LRR1: variants seen among roughly 807,000 people sequenced by gnomAD.
LRR1 encodes leucine-rich repeat protein 1.
In LRR1, 29 loss-of-function variants were observed where a neutral mutation model predicts 31.6. The observed-to-expected ratio is 0.92, with a 90% CI of 0.68 to 1.25. The LOEUF is 1.25. Among genes scored for constraint, LRR1 ranks in the 50% most tolerant of loss-of-function variants. LRR1 has a pLI of 0.00. For synonymous variants in LRR1, 179 were observed against 181.4 expected (o/e 0.99, Z 0.10); for missense variants, 485 against 487.2 (o/e 1.00, Z 0.04).
intron 3 of LRR1, among the ~76,000 whole-genome samples, chr14:49,610,456 C>T (rs1475947898): frequency 2.0e-5 from 3 of 150,998 alleles, no homozygotes; most frequent in Admixed American, 2.0e-4. Flanking sequence ...GGTTTCACCA[C>T]GTTGGCCAGG....
intron 1 of LRR1, chr14:49,601,045 C>G: frequency 1.2e-6 from 2 of 1,611,166 alleles, no homozygotes; most frequent in Non-Finnish European, 8.5e-7. Flanking sequence ...TCTATTCCAG[C>G]ATACCCAGAG....
chr14:49,611,458 A>T (rs894676298), intron 3 of LRR1, among the ~76,000 whole-genome samples: 1 of 152,104 alleles, frequency 6.6e-6, no homozygotes, highest in African/African-American at 2.4e-5. Flanking sequence ...TTGGGAGTGC[A>T]GATTGAGACT....
intron 1 of LRR1, among the ~76,000 whole-genome samples, chr14:49,599,834 C>A (rs1254234310): frequency 1.4e-5 from 2 of 147,462 alleles, no homozygotes; most frequent in African/African-American, 4.9e-5. Flanking sequence ...GGCCCTCTCC[C>A]CTCCGGCGAG....
chr14:49,602,589 A>G (rs1329787362), intron 2 of LRR1, 121 bp downstream of exon 2: 2 of 739,216 alleles, frequency 2.7e-6, no homozygotes, highest in Non-Finnish European at 4.5e-6. Context: ...TCACTGCATC[A>G]AACACCTAGG....
intron 1 of LRR1, 109 bp from the exon 2 acceptor site, chr14:49,602,261 A>G: frequency 1.1e-6 from 1 of 929,716 alleles, no homozygotes; most frequent in Middle Eastern, 2.2e-4. Context: ...CTCAAGGACT[A>G]AAAGCCAAAC....
At chr14:49,614,154 C>G in intron 3 of LRR1, 102 bp from the exon 4 acceptor site, 1 of 1,201,738 alleles carries the variant, frequency 8.3e-7, no homozygotes. Context: ...ATACTAATCG[C>G]TTAATAATTT....
intron 2 of LRR1, chr14:49,603,736 C>A: frequency 1.1e-6 from 1 of 951,776 alleles, no homozygotes; most frequent in Non-Finnish European, 1.2e-6. Context: ...CCCTGTCACC[C>A]AGGCTGGATT....
intron 1 of LRR1, chr14:49,601,635 A>G (rs977864652): frequency 1.6e-6 from 2 of 1,289,542 alleles, no homozygotes; most frequent in African/African-American, 1.5e-5. Flanking sequence ...AGGCTAATGG[A>G]CTGAAGTTAT....
At chr14:49,609,745 G>T (rs936122125) in intron 3 of LRR1, among the ~76,000 whole-genome samples, 2 of 148,430 alleles carry the variant, frequency 1.3e-5, no homozygotes, top group Non-Finnish European at 3.0e-5. Context: ...TTGTTCTGTC[G>T]CCCAGGTTGG....
At chr14:49,610,243 G>T (rs1307280384) in intron 3 of LRR1, among the ~76,000 whole-genome samples, 2 of 125,812 alleles carry the variant, frequency 1.6e-5, no homozygotes, top group Middle Eastern at 4.2e-3. Flanking sequence ...TCATTTTGTT[G>T]AGGGTTTTTT....
At chr14:49,603,507 A>C in intron 2 of LRR1, 1 of 360,010 alleles carries the variant, frequency 2.8e-6, no homozygotes. Flanking sequence ...TACTGTAATC[A>C]TTCTTTCTTC....
At chr14:49,609,260 C>G (rs1428465835) in intron 3 of LRR1, among the ~76,000 whole-genome samples, 1 of 108,310 alleles carries the variant, frequency 9.2e-6, no homozygotes, top group Non-Finnish European at 1.8e-5. Context: ...GGGTCTCACT[C>G]TGTTGCCCAG....
chr14:49,611,595 T>G (rs1208271224), intron 3 of LRR1, among the ~76,000 whole-genome samples: 2 of 152,022 alleles, frequency 1.3e-5, no homozygotes, highest in Non-Finnish European at 2.9e-5. Context: ...CACCTGAGGC[T>G]ATTGTTTCTC....
In LRR1 at chr14:49,614,597, T is replaced by C. The variant is rs760968456; in HGVS notation, c.*101T>C. On this transcript the variant is annotated 3_prime_UTR_variant, in exon 4 of 4. Coordinates refer to ENST00000298288, the MANE Select transcript of LRR1 (RefSeq NM_152329.4). The stretch of plus-strand genomic sequence containing the variant: ...GAGTAAGGGAAGATTTCTGTATACT[T>C]GCTGGAGAGGAGGAATGTGTATAGT... 1.4e-6 allele frequency: 2 copies of C among 1,469,498 alleles called. No homozygotes were observed. The highest frequency in any genetic ancestry group is 4.5e-5 in the East Asian group (2 of 44,134). The allele number at this position is 1,469,498 out of a possible 1,614,324, so 91.0% of individuals were successfully genotyped here. A position where few individuals can be genotyped will look rare whatever the true frequency, so the allele number is the denominator to read the frequency against.
intron 3 of LRR1, 142 bp downstream of exon 3, chr14:49,608,263 C>A (rs1025560434): frequency 3.4e-6 from 3 of 878,928 alleles, no homozygotes; most frequent in Admixed American, 6.8e-5. Context: ...TTGTTCCTTA[C>A]CTCTGCTTAG....
intron 3 of LRR1, among the ~76,000 whole-genome samples, chr14:49,613,193 G>C (rs1454948610): frequency 1.3e-5 from 2 of 152,164 alleles, no homozygotes; most frequent in Admixed American, 1.3e-4. Context: ...CAAAAAATTA[G>C]CCAGGCGTGG....
At chr14:49,602,571 G>C in intron 2 of LRR1, 103 bp downstream of exon 2, 1 of 876,848 alleles carries the variant, frequency 1.1e-6, no homozygotes, top group Non-Finnish European at 1.8e-6. Context: ...CAGAGGCATA[G>C]TCATAGCTCA....
rs1380372428 is a variant in LRR1 at position 49,599,308 on chromosome 14, C to T, written c.183+105C>T. On this transcript the variant is annotated intron_variant, in intron 1 of 3. Coordinates refer to ENST00000298288, the MANE Select transcript of LRR1 (RefSeq NM_152329.4). ...CCCGGCTGCTCCCTAGGCGAAAGCC[C>T]GCCTTGGGGGTTCCTGAACTCCCAG... 6.1e-6 allele frequency: 8 copies of T among 1,316,524 alleles called. No homozygotes were observed. In the Admixed American group the frequency reaches 1.0e-4, roughly 17 times the overall value. 81.6% of individuals were successfully genotyped at this position (1,316,524 alleles called of 1,614,324 possible). A position where few individuals can be genotyped will look rare whatever the true frequency, so the allele number is the denominator to read the frequency against.
intron 1 of LRR1, chr14:49,601,766 A>G (rs1357133303): frequency 4.4e-6 from 4 of 905,882 alleles, no homozygotes; most frequent in Non-Finnish European, 6.2e-6. Context: ...GGACAGACAG[A>G]GCAGTAACAT....
Sources: allele counts gnomAD v4.1 joint callset (sites outside exome capture counted in the v4.1 genomes callset), GRCh38; gene constraint gnomAD v4.1.1; transcripts MANE v1.5; gene names NCBI Gene and HGNC (gene_info 2026-07-23, HGNC 2026-07-21).